The following PCDHA1 variants were observed in gnomAD, a reference collection of about 807,000 sequenced individuals.
The protein encoded by PCDHA1 is protocadherin alpha-1.
PCDHA1 carries 42 observed loss-of-function variants against 61.3 expected under a neutral mutation model. That is an observed-to-expected ratio of 0.69 (90% confidence interval 0.54 to 0.89). The LOEUF (loss-of-function observed/expected upper bound fraction) is 0.89. PCDHA1 is among the 40% of genes least tolerant of loss of function. PCDHA1 has a pLI of 0.00. For synonymous variants in PCDHA1, 610 were observed against 553.8 expected, an observed-to-expected ratio of 1.10 and a Z score of -1.43; for missense variants, 1,256 against 1,235.3, an observed-to-expected ratio of 1.02 and a Z score of -0.25.
chr5:140,876,146 C>T, intron 1 of PCDHA1: 1 of 1,613,952 alleles, frequency 6.2e-7, no homozygotes, highest in Non-Finnish European at 8.5e-7. Context: ...CTAACAGGGT[C>T]TGTCCAGATT....
At chr5:140,799,484 G>T (rs1328038086) in intron 1 of PCDHA1, among the ~76,000 whole-genome samples, 2 of 151,790 alleles carry the variant, frequency 1.3e-5, no homozygotes, top group Non-Finnish European at 2.9e-5. Flanking sequence ...TTATTTCTTA[G>T]GTCCATGCTT....
intron 1 of PCDHA1, chr5:140,794,885 A>G (rs1269854063): frequency 7.1e-7 from 1 of 1,418,068 alleles, no homozygotes; most frequent in Non-Finnish European, 9.6e-7. Flanking sequence ...GAGAAGCAGC[A>G]GGACTTTAAC....
intron 1 of PCDHA1, among the ~76,000 whole-genome samples, chr5:140,909,911 A>T (rs747486870): frequency 1.3e-5 from 2 of 152,144 alleles, no homozygotes; most frequent in Non-Finnish European, 2.9e-5. Flanking sequence ...AATGGCAATC[A>T]TTTCCCTTTC....
chr5:140,857,740 G>A (rs1019130313), intron 1 of PCDHA1: 1 of 1,597,496 alleles, frequency 6.3e-7, no homozygotes, highest in African/African-American at 1.3e-5. Flanking sequence ...CTCCCGCGCT[G>A]CTGGCGTCTC....
At chr5:140,941,629 A>G (rs965702759) in intron 1 of PCDHA1, among the ~76,000 whole-genome samples, 12 of 151,584 alleles carry the variant, frequency 7.9e-5, no homozygotes, top group African/African-American at 2.9e-4. Context: ...CTGCTTCTTA[A>G]TTTCTGTCTT....
intron 1 of PCDHA1, among the ~76,000 whole-genome samples, chr5:140,925,376 A>G (rs1010003214): frequency 2.0e-5 from 3 of 152,150 alleles, no homozygotes; most frequent in Non-Finnish European, 2.9e-5. Context: ...TCAATAGTCA[A>G]TGAGTCTCCT....
intron 1 of PCDHA1, chr5:140,859,867 TC>T (rs2046061567): frequency 6.6e-6 from 1 of 152,134 alleles, no homozygotes; most frequent in East Asian, 1.9e-4. Context: ...AATATATACT[TC>T]CCCCTCTGAT....
At chr5:140,924,187 G>A (rs1238020963) in intron 1 of PCDHA1, among the ~76,000 whole-genome samples, 1 of 152,220 alleles carries the variant, frequency 6.6e-6, no homozygotes, top group Non-Finnish European at 1.5e-5. Flanking sequence ...CAGAAAATTA[G>A]TTTTGGTTTA....
intron 1 of PCDHA1, chr5:140,821,749 A>G: frequency 1.3e-6 from 2 of 1,571,782 alleles, no homozygotes; most frequent in South Asian, 2.4e-5. Flanking sequence ...GATGCAATAG[A>G]AAGCTCATAA....
intron 3 of PCDHA1, among the ~76,000 whole-genome samples, chr5:140,994,850 CAT>C (rs10584145): frequency 0.01 from 1,553 of 152,082 alleles, 27 homozygotes; most frequent in African/African-American, 0.036. Flanking sequence ...AAGATGAGTG[CAT>C]TTGATGGATG....
At chr5:140,928,134 G>T in intron 1 of PCDHA1, 1 of 1,614,180 alleles carries the variant, frequency 6.2e-7, no homozygotes, top group Non-Finnish European at 8.5e-7. Flanking sequence ...ACCAAGTCCT[G>T]ATCACGGCCT....
chr5:140,828,954 T>G, intron 1 of PCDHA1: 1 of 1,614,236 alleles, frequency 6.2e-7, no homozygotes, highest in Non-Finnish European at 8.5e-7. Flanking sequence ...GTTGCAGCCA[T>G]GGTTATTGAC....
intron 1 of PCDHA1, chr5:140,813,507 A>G (rs544423218): frequency 6.6e-6 from 1 of 152,202 alleles, no homozygotes; most frequent in Non-Finnish European, 1.5e-5. Flanking sequence ...TACAGTAAAA[A>G]CATTGTACAG....
intron 3 of PCDHA1, among the ~76,000 whole-genome samples, chr5:140,997,115 C>A (rs537421169): frequency 9.2e-5 from 14 of 152,116 alleles, no homozygotes; most frequent in Non-Finnish European, 1.6e-4. Flanking sequence ...TCCTGCTCTC[C>A]CACATACACA....
intron 1 of PCDHA1, chr5:140,817,519 AT>A (rs1269969982): frequency 6.6e-6 from 1 of 152,064 alleles, no homozygotes; most frequent in Non-Finnish European, 1.5e-5. Context: ...TATTTTATTG[AT>A]TTCCTCTTTT....
intron 1 of PCDHA1, chr5:140,851,374 C>A: frequency 4.1e-6 from 4 of 975,728 alleles, no homozygotes; most frequent in Non-Finnish European, 5.0e-6. Flanking sequence ...TCTGATTGTT[C>A]AGCAACCTTC....
intron 1 of PCDHA1, chr5:140,796,682 C>A (rs1245012473): frequency 6.2e-7 from 1 of 1,613,790 alleles, no homozygotes; most frequent in African/African-American, 1.3e-5. Context: ...GCTGGCACCG[C>A]TGCTGGCGCA....
intron 3 of PCDHA1, among the ~76,000 whole-genome samples, chr5:140,988,459 G>A (rs1554250155): frequency 6.6e-6 from 1 of 152,152 alleles, no homozygotes; most frequent in Admixed American, 6.5e-5. Context: ...AGGAAGCAAG[G>A]GTGTGGGAAG....
chr5:140,790,066 T>C (rs781900465), intron 1 of PCDHA1, among the ~76,000 whole-genome samples: 14 of 152,146 alleles, frequency 9.2e-5, no homozygotes, highest in Admixed American at 3.3e-4. Context: ...TAAGTCAATA[T>C]AGAAGTATGA....
Sources: gnomAD v4.1 joint callset for allele counts (sites outside exome capture counted in the v4.1 genomes callset) on GRCh38, gnomAD v4.1.1 for gene constraint, MANE v1.5 for transcripts, NCBI Gene and HGNC (gene_info 2026-07-23, HGNC 2026-07-21) for gene names.